The following FBXW4 variants were observed in gnomAD, a reference collection of about 807,000 sequenced individuals.
FBXW4 encodes the protein F-box and WD repeat domain containing 4, also known as F-box/WD repeat-containing protein 4.
A neutral mutation model predicts 61.8 loss-of-function variants in FBXW4; 40 were observed. The ratio of observed to expected loss-of-function variants is 0.65; its 90% confidence interval spans 0.50 to 0.84. The LOEUF (loss-of-function observed/expected upper bound fraction) is 0.84, where lower values mean the gene tolerates loss of function less well. Among genes scored for constraint, FBXW4 ranks in the 40% least tolerant of loss-of-function variants. FBXW4 has a pLI of 0.00. For missense variants in FBXW4, 672 were observed against 753.8 expected, an observed-to-expected ratio of 0.89 and a Z score of 1.27; for synonymous variants, 311 against 313.8, an observed-to-expected ratio of 0.99 and a Z score of 0.10.
Position 101,695,050 on chromosome 10 carries a change from T to G in FBXW4, c.56A>C (p.Glu19Ala). ...CTGCAGCTTCCTCGCCTCTCCGCCC[T>G]CGCCCTCGCCGGGCCCGCCGTTCCC... ...PPGNGGPGEG[E>A]GGEARKLQEG... is the part of the protein sequence containing the mutation. Residue 19 changes from glutamate to alanine, a missense_variant, in exon 1 of 9, where the codon GAG becomes GCG. Glu to Ala is a moderately radical substitution (Grantham distance 107, BLOSUM62 -1). Transcript: ENST00000331272. The surrounding 1 kb of genome is among the most constrained non-coding windows in gnomAD (Gnocchi z 4.2). The G allele has an allele frequency of 2.0e-6, 2 of 993,060 alleles. No homozygotes were observed. The highest frequency in any genetic ancestry group is 1.8e-5 in the African/African-American group (1 of 57,142). 61.5% of individuals were successfully genotyped at this position (993,060 alleles called of 1,614,324 possible). A position where few individuals can be genotyped will look rare whatever the true frequency, so the allele number is the denominator to read the frequency against.
intron 2 of FBXW4, among the ~76,000 whole-genome samples, chr10:101,675,736 A>G (rs774605249): frequency 1.5e-4 from 23 of 152,364 alleles, no homozygotes; most frequent in African/African-American, 5.0e-4. Flanking sequence ...GAGTCAAATA[A>G]TAACTATGAA....
intron 5 of FBXW4, among the ~76,000 whole-genome samples, chr10:101,655,874 C>G (rs2064180854): frequency 6.6e-6 from 1 of 152,196 alleles, no homozygotes; most frequent in African/African-American, 2.4e-5. Context: ...TCCTGAAACT[C>G]AAGTTCTGAC....
intron 1 of FBXW4, among the ~76,000 whole-genome samples, chr10:101,677,223 T>A (rs1266067669): frequency 6.6e-6 from 1 of 152,134 alleles, no homozygotes; most frequent in African/African-American, 2.4e-5. Context: ...TACACAAGAA[T>A]GTTCATAGGA....
chr10:101,686,302 A>T (rs1302938476), intron 1 of FBXW4, among the ~76,000 whole-genome samples: 1 of 152,212 alleles, frequency 6.6e-6, no homozygotes, highest in Non-Finnish European at 1.5e-5. Flanking sequence ...CCTCTATCAC[A>T]GGACTTGTCA....
At chr10:101,673,335 C>T (rs1418095472) in intron 3 of FBXW4, among the ~76,000 whole-genome samples, 153 bp downstream of exon 3, 1 of 152,226 alleles carries the variant, frequency 6.6e-6, no homozygotes, top group East Asian at 1.9e-4. Context: ...ACCCTATTAA[C>T]TCCTTTTGGT....
At chr10:101,614,840 G>T (rs2063813927) in intron 6 of FBXW4, among the ~76,000 whole-genome samples, 1 of 152,156 alleles carries the variant, frequency 6.6e-6, no homozygotes, top group Admixed American at 6.5e-5. Context: ...AGTGCCACAG[G>T]AGCCCTGCTG....
chr10:101,691,829 G>T (rs2064607032), intron 1 of FBXW4, among the ~76,000 whole-genome samples: 1 of 152,134 alleles, frequency 6.6e-6, no homozygotes, highest in South Asian at 2.1e-4. Flanking sequence ...TGACAAGACT[G>T]CATGCCCAAG....
Position 101,611,503 on chromosome 10 carries a change from C to T in FBXW4, c.1585-93G>A, listed in dbSNP as rs560793000. The T allele has an allele frequency of 6.2e-4, 977 of 1,569,838 alleles. 13 individuals are homozygous for T. The South Asian group carries it at 0.011, about 18-fold the overall frequency. Reference sequence around the variant, plus strand: ...ATCCCCAGGCCCAGGGGAAGAGGGACGTGTGCCATTGTAGGCTTCTTCCAA... The same window carrying T: ...ATCCCCAGGCCCAGGGGAAGAGGGATGTGTGCCATTGTAGGCTTCTTCCAA... On this transcript the variant is annotated intron_variant, in intron 8 of 8. Coordinates refer to ENST00000331272, the MANE Select transcript of FBXW4 (RefSeq NM_022039.4). This position sits in a 1 kb window ranked among gnomAD's most constrained non-coding sequence, Gnocchi z 4.9.
At chr10:101,669,679 C>T (rs2064339566) in intron 4 of FBXW4, among the ~76,000 whole-genome samples, 1 of 152,104 alleles carries the variant, frequency 6.6e-6, no homozygotes, top group African/African-American at 2.4e-5. Flanking sequence ...GAGTTGACAA[C>T]AATATGCTGA....
intron 1 of FBXW4, among the ~76,000 whole-genome samples, chr10:101,679,736 A>G (rs1339457077): frequency 6.6e-6 from 1 of 152,048 alleles, no homozygotes; most frequent in Non-Finnish European, 1.5e-5. Flanking sequence ...TTCCTTTTTA[A>G]AATTTTTTTA....
intron 5 of FBXW4, among the ~76,000 whole-genome samples, chr10:101,665,876 T>G (rs2064294212): frequency 6.6e-6 from 1 of 152,156 alleles, no homozygotes; most frequent in South Asian, 2.1e-4. Flanking sequence ...TTGTGTTCTT[T>G]GGCTTCAATC....
At position 101,695,117 on chromosome 10, in the gene FBXW4, G is replaced by A. The variant is rs1314725958; in HGVS notation, c.-12C>T. 2.0e-6 allele frequency: 2 copies of A among 985,212 alleles called. No homozygotes were observed. Among genetic ancestry groups the A allele is most frequent in the Non-Finnish European group, 2.4e-6 (2 of 830,156 alleles). The allele number at this position is 985,212 out of a possible 1,614,324, so 61.0% of individuals were successfully genotyped here. A position where few individuals can be genotyped will look rare whatever the true frequency, so the allele number is the denominator to read the frequency against. On this transcript the variant is annotated 5_prime_UTR_variant, in exon 1 of 9. Transcript: ENST00000331272. The surrounding 1 kb of genome is among the most constrained non-coding windows in gnomAD (Gnocchi z 4.2). ...CCCTGGCTGCCCATGAGCGGCCGCGGGGCCGGCCCGACGCGGAGCCCAGCC... is the reference window on the plus strand; with the variant it reads ...CCCTGGCTGCCCATGAGCGGCCGCGAGGCCGGCCCGACGCGGAGCCCAGCC...
At chr10:101,676,557 A>G in intron 1 of FBXW4, 121 bp from the exon 2 acceptor site, 1 of 692,966 alleles carries the variant, frequency 1.4e-6, no homozygotes, top group South Asian at 1.9e-5. Context: ...AGATTAGGAG[A>G]CCAGGAAGGA....
chr10:101,669,407 G>C (rs998344202), intron 4 of FBXW4, among the ~76,000 whole-genome samples: 13 of 152,142 alleles, frequency 8.5e-5, no homozygotes, highest in East Asian at 3.9e-4. Flanking sequence ...TCTTTCTTAG[G>C]GGGTGAGGAA....
At chr10:101,632,789 AC>A (rs1234618284) in intron 5 of FBXW4, among the ~76,000 whole-genome samples, 1 of 152,186 alleles carries the variant, frequency 6.6e-6, no homozygotes, top group Non-Finnish European at 1.5e-5. Context: ...GTGTCCCTGT[AC>A]TAAAGCAAAA....
intron 2 of FBXW4, among the ~76,000 whole-genome samples, chr10:101,674,624 T>A (rs2064390462): frequency 6.6e-6 from 1 of 152,240 alleles, no homozygotes; most frequent in African/African-American, 2.4e-5. Flanking sequence ...CACAGGGATA[T>A]CTACATTTCT....
At chr10:101,675,432 C>G (rs1453144083) in intron 2 of FBXW4, among the ~76,000 whole-genome samples, 1 of 152,210 alleles carries the variant, frequency 6.6e-6, no homozygotes, top group Non-Finnish European at 1.5e-5. Context: ...CTGCTTGAAA[C>G]TAGCCCCAAA....
chr10:101,687,949 C>T (rs2064550968), intron 1 of FBXW4, among the ~76,000 whole-genome samples: 1 of 152,232 alleles, frequency 6.6e-6, no homozygotes, highest in African/African-American at 2.4e-5. Context: ...CAATATCTCT[C>T]TTTGCTGAGG....
intron 1 of FBXW4, among the ~76,000 whole-genome samples, chr10:101,683,799 G>A (rs930114157): frequency 6.6e-6 from 1 of 152,036 alleles, no homozygotes; most frequent in African/African-American, 2.4e-5. Flanking sequence ...CCAACTGCAC[G>A]GATGGCATGA....
Sources: allele counts gnomAD v4.1 joint callset (sites outside exome capture counted in the v4.1 genomes callset), GRCh38; gene constraint gnomAD v4.1.1; non-coding constraint Gnocchi (gnomAD v3.1); transcripts MANE v1.5; gene names NCBI Gene and HGNC (gene_info 2026-07-23, HGNC 2026-07-21).